Variants in GSTCD observed in about 807,000 individuals in gnomAD.
GSTCD encodes glutathione S-transferase C-terminal domain-containing protein.
GSTCD carries 44 observed loss-of-function variants against 68.3 expected under a neutral mutation model. The ratio of observed to expected loss-of-function variants is 0.64; its 90% CI spans 0.51 to 0.83. The LOEUF is 0.83. Ranked by LOEUF, GSTCD falls within the 40% of genes least tolerant of loss-of-function variation. GSTCD has a pLI of 0.00. For synonymous variants in GSTCD, 273 were observed against 255.2 expected (o/e 1.07, Z -0.67); for missense variants, 739 against 735.9 (o/e 1.00, Z -0.05).
intron 5 of GSTCD, among the ~76,000 whole-genome samples, chr4:105,757,050 G>C (rs1437567993): frequency 6.6e-6 from 1 of 152,140 alleles, no homozygotes; most frequent in Non-Finnish European, 1.5e-5. Flanking sequence ...TAAGGGACTG[G>C]AGTTTGGCCA....
chr4:105,833,109 C>T (rs368735621), intron 8 of GSTCD, among the ~76,000 whole-genome samples: 2 of 152,138 alleles, frequency 1.3e-5, no homozygotes, highest in African/African-American at 4.8e-5. Context: ...TTTCCTCTTC[C>T]TGATAGAGTA....
intron 5 of GSTCD, among the ~76,000 whole-genome samples, chr4:105,798,915 C>G (rs1345020959): frequency 6.6e-6 from 1 of 152,156 alleles, no homozygotes; most frequent in African/African-American, 2.4e-5. Context: ...ATATGAAAGT[C>G]CTAGATGGCA....
At chr4:105,714,484 A>G (rs1469152089) in intron 1 of GSTCD, among the ~76,000 whole-genome samples, 1 of 150,754 alleles carries the variant, frequency 6.6e-6, no homozygotes, top group African/African-American at 2.4e-5. Context: ...TTTGCCTGTG[A>G]TATTTGCATA....
chr4:105,819,035 T>C (rs778399332), intron 5 of GSTCD, among the ~76,000 whole-genome samples: 4 of 151,794 alleles, frequency 2.6e-5, no homozygotes, highest in Non-Finnish European at 5.9e-5. Context: ...CAGTGCTGTC[T>C]ATTCAGATTG....
At chr4:105,806,302 T>C (rs1172475035) in intron 5 of GSTCD, among the ~76,000 whole-genome samples, 1 of 152,100 alleles carries the variant, frequency 6.6e-6, no homozygotes, top group Non-Finnish European at 1.5e-5. Flanking sequence ...CTTTTATTCA[T>C]ATGGAAAATG....
chr4:105,784,012 A>C (rs1039647922), intron 5 of GSTCD, among the ~76,000 whole-genome samples: 1 of 152,202 alleles, frequency 6.6e-6, no homozygotes, highest in African/African-American at 2.4e-5. Context: ...ATGGGATGTT[A>C]GTTTATCCTG....
intron 5 of GSTCD, among the ~76,000 whole-genome samples, chr4:105,729,797 G>C (rs1305667418): frequency 6.6e-6 from 1 of 152,054 alleles, no homozygotes; most frequent in Non-Finnish European, 1.5e-5. Context: ...ACAACGTGCA[G>C]GTTTGTTACA....
At position 105,717,641 on chromosome 4, in the gene GSTCD, G is replaced by A. The variant is rs1732721826; in HGVS notation, c.28G>A (p.Glu10Lys). 1 of 1,579,336 alleles carries A rather than the reference G, an allele frequency of 6.3e-7. No homozygotes were observed. The highest frequency in any genetic ancestry group is 1.2e-5 in the South Asian group (1 of 83,858). ...GAAAGCCATAAAGAAAAGTCTTACA[G>A]AAGAAGAATACCTGTACCTGGACTT... is the stretch of plus-strand genomic sequence containing the variant. Reference protein sequence around the residue: MKAIKKSLTEEEYLYLDFSH... With the variant: MKAIKKSLTKEEYLYLDFSH... The change falls in exon 2 of 12, where the codon GAA (glutamate) becomes AAA (lysine). Residue 10 changes from glutamate to lysine, a missense_variant. Glu to Lys is a moderately conservative substitution (Grantham distance 56). Coordinates refer to ENST00000515279, the MANE Select transcript of GSTCD (RefSeq NM_001370181.1).
intron 5 of GSTCD, among the ~76,000 whole-genome samples, chr4:105,748,823 G>T (rs1407949685): frequency 6.6e-6 from 1 of 151,910 alleles, no homozygotes; most frequent in South Asian, 2.1e-4. Flanking sequence ...AGAGAAGTCA[G>T]CCAGAGTAAT....
At chr4:105,808,920 A>G (rs1722640559) in intron 5 of GSTCD, among the ~76,000 whole-genome samples, 1 of 152,098 alleles carries the variant, frequency 6.6e-6, no homozygotes, top group Non-Finnish European at 1.5e-5. Flanking sequence ...GATCAGATCG[A>G]CAGCTGCAAT....
chr4:105,747,069 T>C (rs1733829644), intron 5 of GSTCD, among the ~76,000 whole-genome samples: 1 of 152,262 alleles, frequency 6.6e-6, no homozygotes, highest in Non-Finnish European at 1.5e-5. Flanking sequence ...CCTTTTCCCC[T>C]ATTATTGATT....
chr4:105,815,552 G>A (rs551809603), intron 5 of GSTCD, among the ~76,000 whole-genome samples: 4 of 152,102 alleles, frequency 2.6e-5, no homozygotes, highest in South Asian at 2.1e-4. Context: ...AGATCATAGC[G>A]GACATTAGAA....
At chr4:105,763,536 T>C (rs1484118354) in intron 5 of GSTCD, among the ~76,000 whole-genome samples, 1 of 152,216 alleles carries the variant, frequency 6.6e-6, no homozygotes, top group Non-Finnish European at 1.5e-5. Context: ...AAGCATAGCC[T>C]CTGGATCCAG....
intron 5 of GSTCD, among the ~76,000 whole-genome samples, chr4:105,807,537 C>G (rs1722566081): frequency 6.6e-6 from 1 of 151,978 alleles, no homozygotes; most frequent in Admixed American, 6.6e-5. Context: ...TTAACTTTAA[C>G]ATTTTGAAAA....
At chr4:105,728,665 A>G (rs904917824) in intron 4 of GSTCD, among the ~76,000 whole-genome samples, 15 of 106,336 alleles carry the variant, frequency 1.4e-4, no homozygotes, top group African/African-American at 5.2e-4. Flanking sequence ...AGCCATGGAG[A>G]TATCTAGATA....
intron 4 of GSTCD, among the ~76,000 whole-genome samples, chr4:105,728,948 A>T (rs542544130): frequency 6.6e-6 from 1 of 152,222 alleles, no homozygotes; most frequent in South Asian, 2.1e-4. Flanking sequence ...GACTAGTATG[A>T]GTGGTATTTT....
chr4:105,817,162 T>G (rs1723034505), intron 5 of GSTCD, among the ~76,000 whole-genome samples: 1 of 151,928 alleles, frequency 6.6e-6, no homozygotes, highest in Non-Finnish European at 1.5e-5. Flanking sequence ...AAACAAACTA[T>G]ATGCTCATTA....
chr4:105,718,988 A>G, intron 2 of GSTCD, 72 bp from the exon 3 acceptor site: 1 of 1,179,876 alleles, frequency 8.5e-7, no homozygotes, highest in Non-Finnish European at 1.2e-6. Flanking sequence ...TCCCAATAAG[A>G]CAGTTATTTT....
chr4:105,832,578 A>G (rs1290581135), intron 8 of GSTCD, among the ~76,000 whole-genome samples: 4 of 152,184 alleles, frequency 2.6e-5, no homozygotes, highest in African/African-American at 4.8e-5. Context: ...CGCCTGATAC[A>G]TGGGGTCAGG....
Sources: allele counts gnomAD v4.1 joint callset (sites outside exome capture counted in the v4.1 genomes callset), GRCh38; gene constraint gnomAD v4.1.1; transcripts MANE v1.5; gene names NCBI Gene and HGNC (gene_info 2026-07-23, HGNC 2026-07-21).